The following ANK3 variants were observed in gnomAD, a reference collection of about 807,000 sequenced individuals.
ANK3 encodes the protein ankyrin-3.
Under a neutral mutation model 370.9 loss-of-function variants are expected in ANK3, and 57 were observed. That is an observed-to-expected ratio of 0.15 (90% CI 0.12 to 0.19). The LOEUF (loss-of-function observed/expected upper bound fraction) is 0.19, where lower values mean the gene tolerates loss of function less well. Among genes scored for constraint, ANK3 ranks in the 10% least tolerant of loss-of-function variants. The pLI is 1.00. For synonymous variants in ANK3, 1,929 were observed against 1,946.3 expected (o/e 0.99, Z 0.23); for missense variants, 4,439 against 5,302.1 (o/e 0.84, Z 5.06).
At chr10:60,641,646 A>T (rs886789520) in intron 1 of ANK3, among the ~76,000 whole-genome samples, 2 of 152,160 alleles carry the variant, frequency 1.3e-5, no homozygotes, top group Admixed American at 1.3e-4. Flanking sequence ...TGGATTAAAG[A>T]CTTAAATGTT....
At chr10:60,681,670 C>T (rs114621426) in intron 1 of ANK3, among the ~76,000 whole-genome samples, 6,097 of 152,204 alleles carry the variant, frequency 0.04, 161 homozygotes, top group Middle Eastern at 0.071. Context: ...TCCAGTAAAC[C>T]GTAAATTCCA....
chr10:60,562,775 T>A (rs2077369073), intron 2 of ANK3, among the ~76,000 whole-genome samples: 2 of 152,014 alleles, frequency 1.3e-5, no homozygotes, highest in South Asian at 4.1e-4. Context: ...AGAAAAAAAA[T>A]GCATTAAAAA....
intron 2 of ANK3, among the ~76,000 whole-genome samples, chr10:60,589,722 T>G (rs1001819468): frequency 6.6e-6 from 1 of 152,370 alleles, no homozygotes; most frequent in African/African-American, 2.4e-5. Flanking sequence ...CTTGTAATTC[T>G]TTCCTTTCAA....
At chr10:60,505,808 T>G (rs1031033344) in intron 2 of ANK3, among the ~76,000 whole-genome samples, 16 of 152,310 alleles carry the variant, frequency 1.1e-4, no homozygotes, top group Admixed American at 3.9e-4. Context: ...AAAGCTCTTT[T>G]TTTTGATTTT....
chr10:60,395,608 C>CTTTG (rs1444364281), intron 2 of ANK3, among the ~76,000 whole-genome samples: 1 of 109,892 alleles, frequency 9.1e-6, no homozygotes, highest in Non-Finnish European at 1.7e-5. Context: ...TTCTTTCTTT[C>CTTTG]TCTCTTTCGT....
At chr10:60,049,585 C>CA (rs1008543562) in intron 42 of ANK3, among the ~76,000 whole-genome samples, 10 of 150,228 alleles carry the variant, frequency 6.7e-5, no homozygotes, top group South Asian at 4.2e-4. Flanking sequence ...GACTCTGTCT[C>CA]AAAAAAAAAG....
intron 1 of ANK3, among the ~76,000 whole-genome samples, chr10:60,703,634 TA>T (rs1189300506): frequency 6.6e-6 from 1 of 152,176 alleles, no homozygotes; most frequent in Admixed American, 6.5e-5. Flanking sequence ...AAATAAAAAG[TA>T]TACATTTTTA....
chr10:60,601,192 C>T (rs1266222648), intron 2 of ANK3, among the ~76,000 whole-genome samples: 1 of 151,608 alleles, frequency 6.6e-6, no homozygotes, highest in African/African-American at 2.4e-5. Flanking sequence ...CACACACACA[C>T]ACACATACCC....
At chr10:60,300,385 T>G in intron 1 of ANK3, 1 of 1,289,754 alleles carries the variant, frequency 7.8e-7, no homozygotes, top group Middle Eastern at 2.1e-4. Flanking sequence ...ACCTGATAAC[T>G]CAATTAGTTA....
intron 1 of ANK3, among the ~76,000 whole-genome samples, chr10:60,301,144 A>ATG (rs1446737361): frequency 6.8e-6 from 1 of 147,686 alleles, no homozygotes; most frequent in Non-Finnish European, 1.5e-5. Flanking sequence ...ATATATATAT[A>ATG]TGTATCTGTG....
intron 1 of ANK3, among the ~76,000 whole-genome samples, chr10:60,335,764 G>C (rs139842221): frequency 6.6e-6 from 1 of 152,132 alleles, no homozygotes; most frequent in Non-Finnish European, 1.5e-5. Context: ...TAGTATAATT[G>C]ATTTGTAAAT....
At chr10:60,562,113 G>A (rs2077349006) in intron 2 of ANK3, among the ~76,000 whole-genome samples, 2 of 152,120 alleles carry the variant, frequency 1.3e-5, no homozygotes, top group African/African-American at 2.4e-5. Context: ...GCATCATTAC[G>A]CTTATTTTAA....
chr10:60,271,449 T>C (rs539475885), intron 4 of ANK3, among the ~76,000 whole-genome samples: 4 of 152,286 alleles, frequency 2.6e-5, no homozygotes, highest in Non-Finnish European at 4.4e-5. Context: ...TCAAGCCATC[T>C]GCCTGCCTTG....
intron 2 of ANK3, among the ~76,000 whole-genome samples, chr10:60,608,471 T>C (rs2078158246): frequency 6.6e-6 from 1 of 152,182 alleles, no homozygotes; most frequent in Non-Finnish European, 1.5e-5. Flanking sequence ...TATACTTTAT[T>C]GTGAAGAGAG....
At chr10:60,106,812 A>C (rs537478231) in intron 27 of ANK3, among the ~76,000 whole-genome samples, 1 of 152,300 alleles carries the variant, frequency 6.6e-6, no homozygotes, top group East Asian at 1.9e-4. Context: ...TAATTTTGTT[A>C]AATTTTAAAA....
At chr10:60,397,826 A>C (rs934902386) in intron 2 of ANK3, among the ~76,000 whole-genome samples, 2 of 152,220 alleles carry the variant, frequency 1.3e-5, no homozygotes, top group Non-Finnish European at 2.9e-5. Flanking sequence ...ATAAGGTCCT[A>C]TGTTTTGGAG....
chr10:60,072,584 T>A lies in ANK3; in HGVS notation c.8297A>T (p.Lys2766Ile). 2 of 1,613,712 alleles carry A rather than the reference T, an allele frequency of 1.2e-6. No individual in the cohort carries two copies. The highest frequency in any genetic ancestry group is 1.7e-6 in the Non-Finnish European group (2 of 1,179,902). The stretch of plus-strand genomic sequence containing the variant: ...TGGGAGGTCTATGGCCTTCTGCTGT[T>A]TTTCTCTAGCAAAAACTTGGTAGAC... Reference protein sequence around the residue: ...LPVYQVFAREKQQKAIDLPDE... With the variant: ...LPVYQVFAREIQQKAIDLPDE... The change falls in exon 37 of 44, where the codon AAA becomes ATA. Residue 2766 changes from lysine (K) to isoleucine (I), a missense_variant. Lys to Ile is a moderately radical substitution (Grantham distance 102). Around this residue, in one of 13 missense-constraint regions of ANK3, gnomAD observed 1,601 missense variants for 1,731.7 expected, o/e 0.92. Transcript: ENST00000280772.
intron 2 of ANK3, among the ~76,000 whole-genome samples, chr10:60,552,824 A>G (rs1010566819): frequency 2.0e-5 from 3 of 152,048 alleles, no homozygotes; most frequent in African/African-American, 7.2e-5. Context: ...GTGGCAGATG[A>G]TTGAATCATG....
intron 18 of ANK3, among the ~76,000 whole-genome samples, chr10:60,174,972 G>A (rs1365401001): frequency 6.6e-6 from 1 of 152,022 alleles, no homozygotes; most frequent in Non-Finnish European, 1.5e-5. Flanking sequence ...TTCCTGCCTT[G>A]GCCTCCCAAA....
Sources: allele counts gnomAD v4.1 joint callset (sites outside exome capture counted in the v4.1 genomes callset), GRCh38; gene constraint gnomAD v4.1.1; regional missense constraint gnomAD v4.1.1; transcripts MANE v1.5; gene names NCBI Gene and HGNC (gene_info 2026-07-23, HGNC 2026-07-21).